BRINP2: variants seen among roughly 807,000 people sequenced by gnomAD.
BRINP2 encodes BMP/retinoic acid inducible neural specific 2.
Under a neutral mutation model 69.2 loss-of-function variants are expected in BRINP2, and 21 were observed. That is an observed-to-expected ratio of 0.30 (90% CI 0.22 to 0.44). The LOEUF (loss-of-function observed/expected upper bound fraction) is 0.44, where lower values mean the gene tolerates loss of function less well. Ranked by LOEUF, BRINP2 falls within the 20% of genes least tolerant of loss-of-function variation. The probability of loss-of-function intolerance (pLI) is 1.00; values close to 1 mark genes in which losing one functional copy is unlikely to be tolerated. For synonymous variants in BRINP2, 380 were observed against 394.1 expected (o/e 0.96, Z 0.42); for missense variants, 877 against 986.0 (o/e 0.89, Z 1.48).
At chr1:177,195,031 C>T (rs141406350) in intron 1 of BRINP2, among the ~76,000 whole-genome samples, 2 of 152,234 alleles carry the variant, frequency 1.3e-5, no homozygotes, top group Non-Finnish European at 2.9e-5. Context: ...ATGGCAGAAC[C>T]TGTGGGTATA....
At chr1:177,225,201 A>G (rs898832729) in intron 1 of BRINP2, among the ~76,000 whole-genome samples, 1 of 152,178 alleles carries the variant, frequency 6.6e-6, no homozygotes, top group African/African-American at 2.4e-5. Context: ...GACTTCATCT[A>G]TATATGATTT....
chr1:177,251,355 A>C (rs1650574715), intron 2 of BRINP2, among the ~76,000 whole-genome samples: 1 of 152,262 alleles, frequency 6.6e-6, no homozygotes, highest in African/African-American at 2.4e-5. Context: ...TGGGTAATAA[A>C]AATATTTGTG....
At chr1:177,247,035 G>C (rs757132837) in intron 2 of BRINP2, among the ~76,000 whole-genome samples, 28 of 152,212 alleles carry the variant, frequency 1.8e-4, no homozygotes, top group Non-Finnish European at 3.7e-4. Context: ...GCATCACTCA[G>C]TGTACATGTT....
chr1:177,216,060 T>C (rs1205372841), intron 1 of BRINP2, among the ~76,000 whole-genome samples: 1 of 152,094 alleles, frequency 6.6e-6, no homozygotes, highest in African/African-American at 2.4e-5. Flanking sequence ...TGGATTTTTA[T>C]CTATAAATTC....
At chr1:177,241,555 T>A (rs931496333) in intron 2 of BRINP2, among the ~76,000 whole-genome samples, 67 of 152,326 alleles carry the variant, frequency 4.4e-4, no homozygotes, top group African/African-American at 1.6e-3. Flanking sequence ...TTGTTTGTTT[T>A]TCCCCAACTC....
intron 2 of BRINP2, among the ~76,000 whole-genome samples, chr1:177,251,043 T>G (rs1201877724): frequency 6.6e-6 from 1 of 152,244 alleles, no homozygotes; most frequent in Non-Finnish European, 1.5e-5. Flanking sequence ...TTATTTTTTA[T>G]TATTTGCTCA....
At chr1:177,204,796 C>T (rs1266735360) in intron 1 of BRINP2, among the ~76,000 whole-genome samples, 1 of 152,088 alleles carries the variant, frequency 6.6e-6, no homozygotes, top group African/African-American at 2.4e-5. Flanking sequence ...GTGATAATTA[C>T]AAATGATGTT....
intron 2 of BRINP2, 68 bp from the exon 3 acceptor site, chr1:177,255,851 C>T: frequency 6.7e-7 from 1 of 1,487,854 alleles, no homozygotes; most frequent in Non-Finnish European, 9.2e-7. Context: ...ACATTACCTA[C>T]TTCAGATTTT....
chr1:177,242,152 T>C (rs2102334230), intron 2 of BRINP2, among the ~76,000 whole-genome samples: 1 of 152,306 alleles, frequency 6.6e-6, no homozygotes, highest in Non-Finnish European at 1.5e-5. Flanking sequence ...TTTTGTAGAT[T>C]CTATCGCAGA....
intron 4 of BRINP2, among the ~76,000 whole-genome samples, chr1:177,258,268 A>G (rs931056620): frequency 7.9e-5 from 12 of 152,234 alleles, no homozygotes; most frequent in African/African-American, 2.9e-4. Context: ...TTCTAAGCAA[A>G]ATGTTAAGGT....
intron 4 of BRINP2, among the ~76,000 whole-genome samples, chr1:177,263,985 G>T (rs1443580858): frequency 6.6e-6 from 1 of 152,100 alleles, no homozygotes; most frequent in Non-Finnish European, 1.5e-5. Context: ...TATAATTATG[G>T]CCATGAGTCT....
intron 2 of BRINP2, among the ~76,000 whole-genome samples, chr1:177,245,557 A>G (rs1393862570): frequency 6.6e-6 from 1 of 152,222 alleles, no homozygotes; most frequent in Non-Finnish European, 1.5e-5. Flanking sequence ...CTTGCTGAGC[A>G]AAGACAAGCA....
At chr1:177,217,350 A>T (rs1649409166) in intron 1 of BRINP2, among the ~76,000 whole-genome samples, 1 of 151,472 alleles carries the variant, frequency 6.6e-6, no homozygotes, top group South Asian at 2.1e-4. Context: ...ATCTCCATTT[A>T]AAAAAAAAGT....
intron 2 of BRINP2, among the ~76,000 whole-genome samples, chr1:177,237,876 T>C (rs1447903166): frequency 6.6e-6 from 1 of 152,136 alleles, no homozygotes; most frequent in Non-Finnish European, 1.5e-5. Flanking sequence ...CATATGGTCT[T>C]TTTTTCTCTC....
chr1:177,186,237 C>T (rs1273117305), intron 1 of BRINP2, among the ~76,000 whole-genome samples: 2 of 152,134 alleles, frequency 1.3e-5, no homozygotes, highest in East Asian at 3.9e-4. Flanking sequence ...CCTGAAGGGG[C>T]AAGCTCTATG....
Position 177,278,786 on chromosome 1 carries a change from G to A in BRINP2, c.1235+1G>A. 6.2e-7 allele frequency: 1 copy of A among 1,613,730 alleles called. No individual in the cohort carries two copies. Among genetic ancestry groups the A allele is most frequent in the South Asian group, 1.1e-5 (1 of 91,056 alleles). On this transcript the variant is annotated splice_donor_variant, in intron 7 of 7. Coordinates refer to ENST00000361539, the MANE Select transcript of BRINP2 (RefSeq NM_021165.4). LOFTEE classifies it high-confidence loss of function. ...CTCGCTTCCGCCTGCCCAAGGAGAG[G>A]TGAGCACCCCCTGGCTGCTACAGCC...
At chr1:177,274,445 C>T (rs1002096798) in intron 5 of BRINP2, among the ~76,000 whole-genome samples, 6 of 152,132 alleles carry the variant, frequency 3.9e-5, no homozygotes, top group Admixed American at 6.5e-5. Flanking sequence ...GAGTCAAATG[C>T]GACCCAGCAA....
At position 177,276,190 on chromosome 1, in the gene BRINP2, T is replaced by C. The variant is rs371399467; in HGVS notation, c.776-8T>C. ...TCCCAGAGATTCCTTGACACATCCT[T>C]TCCCCAGGCCTTCAGGTGCTGCTGC... On this transcript the variant is annotated splice_region_variant and splice_polypyrimidine_tract_variant and intron_variant, in intron 5 of 7. Coordinates refer to ENST00000361539, the MANE Select transcript of BRINP2 (RefSeq NM_021165.4). 1.1e-4 allele frequency: 179 copies of C among 1,608,466 alleles called. No homozygotes were observed. The highest frequency in any genetic ancestry group is 1.4e-4 in the Non-Finnish European group (169 of 1,175,706).
rs1651697893 is a variant in BRINP2 at position 177,281,419 on chromosome 1, G to A, written c.2243G>A (p.Arg748Gln). Residue 748 changes from arginine (R) to glutamine (Q), a missense_variant, in exon 8 of 8, where the codon CGG becomes CAG. By Grantham distance (43) the Arg-to-Gln change is conservative. This residue lies in a region of BRINP2 where 225 missense variants were observed against 218.7 expected (regional missense o/e 1.03). Coordinates refer to ENST00000361539, the MANE Select transcript of BRINP2 (RefSeq NM_021165.4). The stretch of plus-strand genomic sequence containing the variant: ...CTTTTCTCCTGCTTGCTCCGGCATC[G>A]GCTTAAGCTGGCCAACAATGAGGTG... The part of the protein sequence containing the change: ...LDLFSCLLRH[R>Q]LKLANNEVGR... 3 of 1,613,888 alleles carry A rather than the reference G, an allele frequency of 1.9e-6. No homozygotes were observed. Among genetic ancestry groups the A allele is most frequent in the Admixed American group, 1.7e-5 (1 of 59,978 alleles).
Sources: gnomAD v4.1 joint callset for allele counts (sites outside exome capture counted in the v4.1 genomes callset) on GRCh38, gnomAD v4.1.1 for gene constraint, gnomAD v4.1.1 regional missense constraint, MANE v1.5 for transcripts, NCBI Gene and HGNC (gene_info 2026-07-23, HGNC 2026-07-21) for gene names.